MYRIP: variants seen among roughly 807,000 people sequenced by gnomAD.
MYRIP encodes rab effector MyRIP.
Under a neutral mutation model 98.0 loss-of-function variants are expected in MYRIP, and 49 were observed. That is an observed-to-expected ratio of 0.50 (90% CI 0.40 to 0.63). MYRIP has a LOEUF of 0.63. Among genes scored for constraint, MYRIP ranks in the 30% least tolerant of loss-of-function variants. The pLI is 0.00. For synonymous variants in MYRIP, 404 were observed against 409.5 expected (o/e 0.99, Z 0.16); for missense variants, 1,004 against 1,058.2 (o/e 0.95, Z 0.71).
chr3:39,963,214 G>A (rs995113644), intron 2 of MYRIP, among the ~76,000 whole-genome samples: 1 of 152,104 alleles, frequency 6.6e-6, no homozygotes, highest in Admixed American at 6.6e-5. Context: ...TTTGGCAGCT[G>A]TGCAGATTAA....
intron 2 of MYRIP, among the ~76,000 whole-genome samples, chr3:39,959,076 G>A (rs1945251680): frequency 1.3e-5 from 2 of 152,190 alleles, no homozygotes; most frequent in South Asian, 4.1e-4. Context: ...TACACTGTTG[G>A]TGGGACTGTA....
In MYRIP at chr3:39,826,117, TA is replaced by T. The variant is rs139256927; in HGVS notation, c.-31+16208del. Among the ~76,000 whole-genome samples the T allele has an allele frequency of 9.9e-5, 15 of 151,934 alleles. No individual in the cohort carries two copies. In the East Asian group the frequency reaches 2.9e-3, roughly 29 times the overall value. On this transcript the variant is annotated intron_variant, in intron 1 of 16. Coordinates refer to ENST00000302541, the MANE Select transcript of MYRIP (RefSeq NM_015460.4). ...TTTGTCAATTTTGTTTATATTTTTT[TA>T]AAAAAACAATTTTTTGTTATCTATT...
intron 3 of MYRIP, among the ~76,000 whole-genome samples, chr3:40,070,399 G>T (rs1280661114): frequency 6.6e-6 from 1 of 152,120 alleles, no homozygotes; most frequent in Non-Finnish European, 1.5e-5. Flanking sequence ...TATTGACATT[G>T]TTCATTTATA....
At chr3:40,021,458 AATGTGTG>A (rs1434593689) in intron 2 of MYRIP, among the ~76,000 whole-genome samples, 2 of 152,212 alleles carry the variant, frequency 1.3e-5, no homozygotes, top group African/African-American at 2.4e-5. Context: ...AATGTCAGAA[AATGTGTG>A]ATGATCTGAG....
chr3:39,856,238 T>C (rs1038359259), intron 1 of MYRIP, among the ~76,000 whole-genome samples: 1 of 152,200 alleles, frequency 6.6e-6, no homozygotes, highest in East Asian at 1.9e-4. Context: ...ATTCTTTCAG[T>C]TTTTCTGGTA....
At chr3:39,814,919 T>C (rs1940847397) in intron 1 of MYRIP, among the ~76,000 whole-genome samples, 1 of 152,204 alleles carries the variant, frequency 6.6e-6, no homozygotes, top group Non-Finnish European at 1.5e-5. Context: ...ATTTTGTAGG[T>C]CATTCTACAA....
At chr3:39,911,846 G>T (rs1172910549) in intron 2 of MYRIP, among the ~76,000 whole-genome samples, 1 of 152,156 alleles carries the variant, frequency 6.6e-6, no homozygotes, top group Non-Finnish European at 1.5e-5. Flanking sequence ...CTGCCTCAGG[G>T]TTAAAGGGCT....
At chr3:39,910,179 A>G (rs1943984705) in intron 2 of MYRIP, among the ~76,000 whole-genome samples, 1 of 152,158 alleles carries the variant, frequency 6.6e-6, no homozygotes, top group Non-Finnish European at 1.5e-5. Context: ...CTGAGCCACC[A>G]TGCCCGGCCG....
chr3:39,858,312 A>G (rs1279905073), intron 1 of MYRIP, among the ~76,000 whole-genome samples: 1 of 152,218 alleles, frequency 6.6e-6, no homozygotes, highest in Non-Finnish European at 1.5e-5. Flanking sequence ...GAACGTCAGT[A>G]TATAATGATA....
chr3:39,868,005 ACT>A (rs1384667073), intron 1 of MYRIP, among the ~76,000 whole-genome samples: 4 of 152,194 alleles, frequency 2.6e-5, no homozygotes, highest in Non-Finnish European at 2.9e-5. Flanking sequence ...CTTCTCTCTC[ACT>A]GTCTTTTTGT....
At chr3:39,866,648 T>C (rs375280815) in intron 1 of MYRIP, among the ~76,000 whole-genome samples, 3 of 151,956 alleles carry the variant, frequency 2.0e-5, no homozygotes, top group East Asian at 1.9e-4. Flanking sequence ...GATCTGTACA[T>C]TGAAAATTAA....
chr3:40,166,950 C>A lies in MYRIP; in HGVS notation c.648+7C>A. 17 of 1,607,528 alleles carry A rather than the reference C, an allele frequency of 1.1e-5. No homozygotes were observed. The highest frequency in any genetic ancestry group is 1.4e-5 in the Non-Finnish European group (17 of 1,174,146). ...GGCATATGGGGACAGCCTGGTAGGG[C>A]CCCTCCTGCTCCTCTCTGTGGGGGG... On this transcript the variant is annotated splice_region_variant and intron_variant, in intron 6 of 16. Transcript: ENST00000302541.
intron 8 of MYRIP, 130 bp from the exon 9 acceptor site, chr3:40,182,090 C>T (rs984339366): frequency 5.0e-5 from 50 of 1,004,436 alleles, no homozygotes; most frequent in African/African-American, 1.2e-4. Context: ...TTAAGGCTCA[C>T]GTGAAAAGAG....
intron 2 of MYRIP, among the ~76,000 whole-genome samples, chr3:39,954,418 C>T (rs1945105634): frequency 6.6e-6 from 1 of 152,100 alleles, no homozygotes; most frequent in Admixed American, 6.5e-5. Context: ...CTGGAGTGGA[C>T]CTCCAGCAAA....
At chr3:39,888,969 C>T (rs1418053708) in intron 1 of MYRIP, among the ~76,000 whole-genome samples, 1 of 152,126 alleles carries the variant, frequency 6.6e-6, no homozygotes, top group Non-Finnish European at 1.5e-5. Flanking sequence ...CAAATCAAAA[C>T]CACAATGAGA....
intron 1 of MYRIP, among the ~76,000 whole-genome samples, chr3:39,828,300 T>G (rs1941333930): frequency 1.3e-5 from 2 of 152,104 alleles, no homozygotes; most frequent in Non-Finnish European, 1.5e-5. Context: ...TCTCTCATTT[T>G]TTTGTCTGCC....
intron 3 of MYRIP, among the ~76,000 whole-genome samples, chr3:40,123,851 T>G (rs886231814): frequency 2.6e-5 from 4 of 152,216 alleles, no homozygotes; most frequent in African/African-American, 7.2e-5. Flanking sequence ...AACAAAACCC[T>G]GGCTCTTCTG....
chr3:40,212,130 G>GTA lies in MYRIP; in HGVS notation c.1905+2048_1905+2049dup, dbSNP rs55940600. On this transcript the variant is annotated intron_variant, in intron 11 of 16. Transcript: ENST00000302541. Reference sequence around the variant, plus strand: ...TATATATATATACATATATATACGTGTATATATATATACATATATATACGT... The same window carrying GTA: ...TATATATATATACATATATATACGTGTATATATATATATACATATATATACGT... Among the ~76,000 whole-genome samples the GTA allele has an allele frequency of 7.8e-5, 6 of 77,394 alleles. 2 individuals carry two copies. The highest frequency in any genetic ancestry group is 2.1e-4 in the African/African-American group (6 of 27,952). 50.8% of individuals were successfully genotyped at this position (77,394 alleles called of 152,430 possible).
chr3:39,852,317 C>G (rs1942153215), intron 1 of MYRIP, among the ~76,000 whole-genome samples: 1 of 152,166 alleles, frequency 6.6e-6, no homozygotes, highest in South Asian at 2.1e-4. Flanking sequence ...ACCTCTGGTC[C>G]CACCCAGGCA....
Sources: gnomAD v4.1 joint callset for allele counts (sites outside exome capture counted in the v4.1 genomes callset) on GRCh38, gnomAD v4.1.1 for gene constraint, MANE v1.5 for transcripts, NCBI Gene and HGNC (gene_info 2026-07-23, HGNC 2026-07-21) for gene names.